The following CHN1 variants were observed in gnomAD, a reference collection of about 807,000 sequenced individuals.
The protein encoded by CHN1 is chimerin 1, also known as N-chimaerin.
In CHN1, 37 loss-of-function variants were observed where a neutral mutation model predicts 59.5. That is an observed-to-expected ratio of 0.62 (90% CI 0.48 to 0.82). The LOEUF (loss-of-function observed/expected upper bound fraction) is 0.82, where lower values mean the gene tolerates loss of function less well. CHN1 is among the 40% of genes least tolerant of loss of function. The pLI is 0.00. For missense variants in CHN1, 469 were observed against 571.0 expected, an observed-to-expected ratio of 0.82 and a Z score of 1.82; for synonymous variants, 206 against 200.4, an observed-to-expected ratio of 1.03 and a Z score of -0.24.
intron 6 of CHN1, among the ~76,000 whole-genome samples, chr2:174,865,511 C>T (rs905078815): frequency 6.6e-6 from 1 of 152,106 alleles, no homozygotes; most frequent in Non-Finnish European, 1.5e-5. Context: ...CATGTTAATA[C>T]CTATCCCTAA....
intron 6 of CHN1, among the ~76,000 whole-genome samples, chr2:174,855,307 G>A (rs1220437581): frequency 1.3e-5 from 2 of 152,260 alleles, no homozygotes; most frequent in East Asian, 3.9e-4. Context: ...CACCACAGAG[G>A]AATGTTCTAG....
chr2:174,987,029 C>A (rs2105457177), intron 1 of CHN1, among the ~76,000 whole-genome samples: 1 of 152,358 alleles, frequency 6.6e-6, no homozygotes, highest in East Asian at 1.9e-4. Context: ...AGCCACCACG[C>A]CCAGCCGATT....
intron 2 of CHN1, among the ~76,000 whole-genome samples, chr2:174,948,351 C>A (rs1689908173): frequency 1.3e-5 from 2 of 152,192 alleles, no homozygotes; most frequent in Admixed American, 1.3e-4. Flanking sequence ...TCTCCACGGT[C>A]AACTTACTCA....
At chr2:174,934,622 A>G (rs1689443712) in intron 3 of CHN1, among the ~76,000 whole-genome samples, 1 of 152,240 alleles carries the variant, frequency 6.6e-6, no homozygotes, top group African/African-American at 2.4e-5. Flanking sequence ...ATTAAGTACC[A>G]ACTTGAAGTT....
intron 5 of CHN1, among the ~76,000 whole-genome samples, chr2:174,904,345 T>C (rs1688479923): frequency 6.6e-6 from 1 of 152,180 alleles, no homozygotes; most frequent in South Asian, 2.1e-4. Flanking sequence ...CTTGTCAACT[T>C]AGATAAAGTG....
chr2:174,834,814 T>G (rs998319180), intron 7 of CHN1, among the ~76,000 whole-genome samples: 5 of 152,246 alleles, frequency 3.3e-5, no homozygotes, highest in Admixed American at 2.0e-4. Context: ...TATATTCTTT[T>G]AAACAAATGT....
At chr2:175,004,853 G>A (rs1692010423) in intron 1 of CHN1, 41 bp downstream of exon 1, 6 of 1,324,242 alleles carry the variant, frequency 4.5e-6, no homozygotes, top group South Asian at 3.9e-5. Flanking sequence ...GCCCCGGGAC[G>A]CGGCCCACCT....
At chr2:174,940,259 T>C (rs1321362353) in intron 3 of CHN1, among the ~76,000 whole-genome samples, 1 of 152,100 alleles carries the variant, frequency 6.6e-6, no homozygotes, top group Non-Finnish European at 1.5e-5. Flanking sequence ...GATCTCCTGA[T>C]CTCGTGATCC....
At chr2:174,947,618 G>C (rs925590516) in intron 2 of CHN1, among the ~76,000 whole-genome samples, 1 of 151,420 alleles carries the variant, frequency 6.6e-6, no homozygotes, top group Non-Finnish European at 1.5e-5. Flanking sequence ...CAAGTAGCTG[G>C]GACTACAGGC....
At chr2:174,978,485 C>T (rs937594672) in intron 1 of CHN1, among the ~76,000 whole-genome samples, 4 of 152,192 alleles carry the variant, frequency 2.6e-5, no homozygotes, top group South Asian at 4.1e-4. Context: ...TGAGTGACTG[C>T]GTAGGTCACA....
intron 5 of CHN1, among the ~76,000 whole-genome samples, chr2:174,910,441 G>A (rs1485166849): frequency 2.0e-5 from 3 of 151,506 alleles, no homozygotes; most frequent in Non-Finnish European, 4.4e-5. Flanking sequence ...CTAAACAAAT[G>A]TACTCTGCAA....
chr2:174,930,574 GC>G (rs1299333526), intron 3 of CHN1, among the ~76,000 whole-genome samples: 1 of 152,124 alleles, frequency 6.6e-6, no homozygotes, highest in Admixed American at 6.5e-5. Context: ...TACCTAGCTG[GC>G]CCAAAGGGAG....
At chr2:174,940,469 A>G (rs1689624208) in intron 3 of CHN1, among the ~76,000 whole-genome samples, 2 of 152,128 alleles carry the variant, frequency 1.3e-5, no homozygotes, top group African/African-American at 4.8e-5. Flanking sequence ...GGACCCGATC[A>G]AGGTCCTTGA....
intron 4 of CHN1, among the ~76,000 whole-genome samples, chr2:174,916,903 A>T (rs1473171124): frequency 6.6e-6 from 1 of 152,246 alleles, no homozygotes; most frequent in Admixed American, 6.5e-5. Context: ...TAAAAATTCA[A>T]TTAACTGGCT....
rs371820661 is a variant in CHN1, at chr2:174,829,650, G to GGA, written c.628-5133_628-5132insTC. On this transcript the variant is annotated intron_variant, in intron 7 of 12. Coordinates refer to ENST00000409900, the MANE Select transcript of CHN1 (RefSeq NM_001822.7). ...GCCAAGGAGCATGCCTGCAAAGCTT[G>GGA]CTGCAAATGTAAGCCACGTTGGAGA... Among the ~76,000 whole-genome samples the GGA allele has an allele frequency of 4.6e-3, 706 of 152,324 alleles. 5 individuals carry two copies. The highest frequency in any genetic ancestry group is 0.016 in the African/African-American group (665 of 41,566).
intron 5 of CHN1, among the ~76,000 whole-genome samples, chr2:174,892,642 A>C (rs1433909638): frequency 6.6e-6 from 1 of 152,258 alleles, no homozygotes; most frequent in African/African-American, 2.4e-5. Context: ...GTGATACCAA[A>C]GCCAGACAAA....
chr2:174,887,408 T>G, intron 5 of CHN1, among the ~76,000 whole-genome samples: 1 of 152,300 alleles, frequency 6.6e-6, no homozygotes, highest in South Asian at 2.1e-4. Context: ...ATTTTAATAA[T>G]ACTATCTAAT....
At chr2:174,820,321 C>T (rs1685440887) in intron 8 of CHN1, among the ~76,000 whole-genome samples, 1 of 152,190 alleles carries the variant, frequency 6.6e-6, no homozygotes, top group African/African-American at 2.4e-5. Flanking sequence ...CACATCCTCT[C>T]CAGCACCTGT....
intron 3 of CHN1, among the ~76,000 whole-genome samples, chr2:174,930,421 T>C (rs1009680855): frequency 6.6e-6 from 1 of 152,182 alleles, no homozygotes; most frequent in South Asian, 2.1e-4. Flanking sequence ...AGCACTTTAT[T>C]ACGGCTCAGG....
Sources: allele counts gnomAD v4.1 joint callset (sites outside exome capture counted in the v4.1 genomes callset), GRCh38; gene constraint gnomAD v4.1.1; transcripts MANE v1.5; gene names NCBI Gene and HGNC (gene_info 2026-07-23, HGNC 2026-07-21).